Variants in GLRA2 observed in about 807,000 individuals in gnomAD.
GLRA2 encodes glycine receptor subunit alpha-2.
A neutral mutation model predicts 31.6 loss-of-function variants in GLRA2; 11 were observed. That is an observed-to-expected ratio of 0.35 (90% CI 0.22 to 0.58). GLRA2 has a LOEUF of 0.58. GLRA2 is among the 20% of genes least tolerant of loss of function. The pLI, the probability that GLRA2 is intolerant of heterozygous loss-of-function variation, is 0.84. For synonymous variants in GLRA2, 132 were observed against 134.0 expected, an observed-to-expected ratio of 0.99 and a Z score of 0.10; for missense variants, 212 against 351.8, an observed-to-expected ratio of 0.60 and a Z score of 3.18.
At chrX:14,528,588 A>G (rs1033936495), upstream of GLRA2, among the ~76,000 whole-genome samples, 10 of 111,855 alleles carry the variant, frequency 8.9e-5, no homozygotes, top group Non-Finnish European at 1.9e-4. Flanking sequence ...TTGATTTGAA[A>G]TAGCAGGGTT....
chrX:14,645,598 C>G (rs929745084), intron 7 of GLRA2, among the ~76,000 whole-genome samples: 16 of 111,403 alleles, frequency 1.4e-4, no homozygotes, highest in Non-Finnish European at 2.6e-4. Flanking sequence ...TAGATCCAAA[C>G]AAAACACAAC....
chrX:14,685,790 G>T (rs776450102), intron 7 of GLRA2, among the ~76,000 whole-genome samples: 2 of 111,301 alleles, frequency 1.8e-5, no homozygotes, highest in Non-Finnish European at 3.8e-5. Flanking sequence ...TTTTTTGAAG[G>T]GTTTTTTGTG....
intron 2 of GLRA2, among the ~76,000 whole-genome samples, chrX:14,563,978 A>C (rs2089765901): frequency 9.0e-6 from 1 of 111,377 alleles, no homozygotes; most frequent in East Asian, 2.8e-4. Flanking sequence ...AACCCATCAA[A>C]TAGACCAATA....
intron 7 of GLRA2, among the ~76,000 whole-genome samples, chrX:14,635,354 T>G (rs1405592558): frequency 1.8e-5 from 2 of 112,194 alleles, no homozygotes; most frequent in African/African-American, 6.5e-5. Context: ...TGCAGAATTA[T>G]AAATGAGCTG....
intron 2 of GLRA2, 40 bp from the exon 3 acceptor site, chrX:14,574,293 G>C (rs370285675): frequency 2.8e-5 from 24 of 847,773 alleles, no homozygotes; most frequent in Non-Finnish European, 4.1e-5. Context: ...CTGTATTTTT[G>C]CTTCAATGTC....
intron 7 of GLRA2, among the ~76,000 whole-genome samples, chrX:14,620,423 C>T (rs889659033): frequency 9.1e-6 from 1 of 110,473 alleles, no homozygotes; most frequent in Non-Finnish European, 1.9e-5. Context: ...TACAGCCCCA[C>T]ACTCTTCCAC....
At chrX:14,681,372 C>T (rs1419344230) in intron 7 of GLRA2, among the ~76,000 whole-genome samples, 3 of 111,306 alleles carry the variant, frequency 2.7e-5, no homozygotes, top group Non-Finnish European at 5.7e-5. Context: ...TTCCTTCCTT[C>T]TTTCATTCAA....
At chrX:14,522,268 A>G in the GLRA2 span, among the ~76,000 whole-genome samples, 1 of 112,459 alleles carries the variant, frequency 8.9e-6, no homozygotes, top group East Asian at 2.8e-4. Flanking sequence ...ATCCATAAGT[A>G]ACAACTCCTC....
chrX:14,690,677 C>G lies in GLRA2; in HGVS notation c.931-33C>G, dbSNP rs111584653. On this transcript the variant is annotated intron_variant, in intron 7 of 8. Coordinates refer to ENST00000218075, the MANE Select transcript of GLRA2 (RefSeq NM_002063.4). ...TCTTTCTTTCTCTCTCTCTCTCTCT[C>G]TGTGTGTGTGTGTGTCTCTCTCTCT... is the stretch of plus-strand genomic sequence containing the variant. The G allele has an allele frequency of 1.7e-3, 1,265 of 754,305 alleles. 4 individuals carry two copies. The highest frequency in any genetic ancestry group is 0.015 in the African/African-American group (715 of 46,619). The allele number at this position is 754,305 out of a possible 1,213,427, so 62.2% of individuals were successfully genotyped here.
intron 7 of GLRA2, among the ~76,000 whole-genome samples, chrX:14,657,838 T>C (rs1267139238): frequency 2.7e-5 from 3 of 112,125 alleles, no homozygotes; most frequent in Non-Finnish European, 5.6e-5. Flanking sequence ...TCTCCTCTTT[T>C]TCACATGTCA....
At chrX:14,486,290 C>T in the GLRA2 span, among the ~76,000 whole-genome samples, 4 of 111,502 alleles carry the variant, frequency 3.6e-5, no homozygotes, top group Admixed American at 1.9e-4. Context: ...AAATAAAAAC[C>T]TACAGAAGAA....
At chrX:14,542,066 T>G (rs1332729850) in intron 2 of GLRA2, among the ~76,000 whole-genome samples, 1 of 111,298 alleles carries the variant, frequency 9.0e-6, no homozygotes, top group Non-Finnish European at 1.9e-5. Flanking sequence ...AACTTAAATC[T>G]ATAAATTTGG....
chrX:14,590,145 T>C lies in GLRA2; in HGVS notation c.494+8739T>C, dbSNP rs1266922021. 4.5e-5 allele frequency among the ~76,000 whole-genome samples: 5 copies of C among 111,785 alleles called. No homozygotes were observed. In the Middle Eastern group the frequency reaches 0.014, roughly 309 times the overall value. On this transcript the variant is annotated intron_variant, in intron 4 of 8. Transcript: ENST00000218075. ...AAACTTATTGGCACCTAAAACTTTATGGCATTGGAGGTGATTTGCTTGTTA... is the reference window on the plus strand; with the variant it reads ...AAACTTATTGGCACCTAAAACTTTACGGCATTGGAGGTGATTTGCTTGTTA...
intron 7 of GLRA2, among the ~76,000 whole-genome samples, chrX:14,619,899 G>A (rs191771640): frequency 1.8e-5 from 2 of 109,442 alleles, no homozygotes; most frequent in East Asian, 2.9e-4. Flanking sequence ...AATAATGAAT[G>A]AACATCTACA....
intron 7 of GLRA2, among the ~76,000 whole-genome samples, chrX:14,614,101 C>T (rs192140241): frequency 9.0e-6 from 1 of 111,482 alleles, no homozygotes; most frequent in East Asian, 2.9e-4. Flanking sequence ...AAATGTACAG[C>T]GATGTGGAGC....
chrX:14,674,433 G>C (rs2091123305), intron 7 of GLRA2, among the ~76,000 whole-genome samples: 1 of 111,815 alleles, frequency 8.9e-6, no homozygotes, highest in Admixed American at 9.5e-5. Context: ...TGCAAGTTTT[G>C]AATTATGCAG....
chrX:14,509,564 T>A, the GLRA2 span, among the ~76,000 whole-genome samples: 3 of 112,310 alleles, frequency 2.7e-5, no homozygotes, highest in Non-Finnish European at 5.6e-5. Context: ...AATAATCTAA[T>A]GTAGTGGCTT....
At chrX:14,501,850 C>T in the GLRA2 span, among the ~76,000 whole-genome samples, 1 of 111,099 alleles carries the variant, frequency 9.0e-6, no homozygotes, top group Admixed American at 9.6e-5. Context: ...GTTCTGGAAG[C>T]TAGAAGTCTG....
chrX:14,512,743 C>T, the GLRA2 span, among the ~76,000 whole-genome samples: 6 of 111,452 alleles, frequency 5.4e-5, no homozygotes, highest in South Asian at 7.4e-4. Flanking sequence ...AACTACAAAA[C>T]GCTGCTGAAA....
Sources: allele counts gnomAD v4.1 joint callset (sites outside exome capture counted in the v4.1 genomes callset), GRCh38; gene constraint gnomAD v4.1.1; transcripts MANE v1.5; gene names NCBI Gene and HGNC (gene_info 2026-07-23, HGNC 2026-07-21).